STIMATE: variants seen among roughly 807,000 people sequenced by gnomAD.
STIMATE encodes the protein store-operated calcium entry regulator STIMATE.
Under a neutral mutation model 36.7 loss-of-function variants are expected in STIMATE, and 15 were observed. The ratio of observed to expected loss-of-function variants is 0.41; its 90% CI spans 0.27 to 0.63. The LOEUF is 0.63. Ranked by LOEUF, STIMATE falls within the 20% of genes least tolerant of loss-of-function variation. The pLI, the probability that STIMATE is intolerant of heterozygous loss-of-function variation, is 0.32. For missense variants in STIMATE, 305 were observed against 397.3 expected, an observed-to-expected ratio of 0.77 and a Z score of 1.98; for synonymous variants, 163 against 162.3, an observed-to-expected ratio of 1.00 and a Z score of -0.03.
In STIMATE at chr3:52,897,531, A is replaced by C. The variant is rs1425672423; in HGVS notation, c.-81T>G. ...GCCGGCGCAGCGCCGCCAAACCCGC[A>C]GCCGGGATCCCAAGCCTGAGCCGGT... is the stretch of plus-strand genomic sequence containing the variant. On this transcript the variant is annotated 5_prime_UTR_variant, in exon 1 of 8. Coordinates refer to ENST00000355083, the MANE Select transcript of STIMATE (RefSeq NM_198563.5). The C allele has an allele frequency of 6.8e-6, 8 of 1,181,496 alleles. No homozygotes were observed. Among genetic ancestry groups the C allele is most frequent in the Non-Finnish European group, 8.4e-6 (8 of 956,554 alleles). 73.2% of individuals were successfully genotyped at this position (1,181,496 alleles called of 1,614,324 possible). A position where few individuals can be genotyped will look rare whatever the true frequency, so the allele number is the denominator to read the frequency against.
intron 7 of STIMATE, among the ~76,000 whole-genome samples, chr3:52,842,272 A>G (rs918047349): frequency 9.8e-5 from 15 of 152,312 alleles, no homozygotes; most frequent in African/African-American, 3.4e-4. Context: ...TCCTGGCCTC[A>G]GGGCTGCTAT....
rs115734949 is a variant in STIMATE at position 52,852,095 on chromosome 3, G to A, written c.305+508C>T. On this transcript the variant is annotated intron_variant, in intron 3 of 7. Transcript: ENST00000355083. ...ACTATGTGGGTGCCATCAGCAAGGA[G>A]GACAGAATATCATGGCCGGATTGAG... Among the ~76,000 whole-genome samples the A allele has an allele frequency of 7.6e-3, 1,158 of 152,338 alleles. 15 individuals are homozygous for A. The highest frequency in any genetic ancestry group is 0.026 in the African/African-American group (1,089 of 41,566).
chr3:52,845,052 A>G, intron 4 of STIMATE, 111 bp from the exon 5 acceptor site: 1 of 1,078,412 alleles, frequency 9.3e-7, no homozygotes, highest in Non-Finnish European at 1.3e-6. Context: ...TAAAGCTCTA[A>G]AGGTACTTAA....
chr3:52,881,337 G>A (rs1701599257), intron 1 of STIMATE, among the ~76,000 whole-genome samples: 1 of 151,992 alleles, frequency 6.6e-6, no homozygotes. Context: ...AAATCCTTAA[G>A]ACTGAAAAAG....
intron 1 of STIMATE, among the ~76,000 whole-genome samples, chr3:52,896,877 G>C (rs1218044711): frequency 6.6e-6 from 1 of 152,306 alleles, no homozygotes; most frequent in South Asian, 2.1e-4. Flanking sequence ...AAGAGTGAAG[G>C]GGCAGAAAAG....
intron 1 of STIMATE, among the ~76,000 whole-genome samples, chr3:52,883,996 G>C (rs544196391): frequency 6.8e-4 from 104 of 152,210 alleles, no homozygotes; most frequent in African/African-American, 2.4e-3. Context: ...ATGATTGTTA[G>C]TTACATTGTT....
chr3:52,893,902 G>A (rs1171298542), intron 1 of STIMATE, among the ~76,000 whole-genome samples: 1 of 152,150 alleles, frequency 6.6e-6, no homozygotes, highest in Non-Finnish European at 1.5e-5. Context: ...TGTCCTGAGA[G>A]CAAACACCCC....
intron 1 of STIMATE, among the ~76,000 whole-genome samples, chr3:52,881,442 C>T (rs369395175): frequency 4.6e-5 from 7 of 151,640 alleles, no homozygotes; most frequent in African/African-American, 1.7e-4. Flanking sequence ...GGTGGCTTGA[C>T]GCCTGTAATC....
intron 1 of STIMATE, among the ~76,000 whole-genome samples, chr3:52,891,990 C>G (rs1034292376): frequency 3.5e-4 from 53 of 152,158 alleles, no homozygotes; most frequent in Admixed American, 2.0e-4. Context: ...TTGAGAAATG[C>G]AGAAGTTGCT....
intron 1 of STIMATE, among the ~76,000 whole-genome samples, chr3:52,878,621 C>A (rs1401204778): frequency 6.6e-6 from 1 of 151,836 alleles, no homozygotes; most frequent in Non-Finnish European, 1.5e-5. Flanking sequence ...ATGACAAAGA[C>A]TTTTCTCCCT....
chr3:52,846,320 C>G (rs1391646248), intron 4 of STIMATE: 2 of 152,208 alleles, frequency 1.3e-5, no homozygotes. Flanking sequence ...GTTTTGCAAT[C>G]CTTTTCCTTT....
chr3:52,842,660 C>T (rs1041990354), intron 7 of STIMATE, 151 bp downstream of exon 7: 47 of 1,466,624 alleles, frequency 3.2e-5, no homozygotes, highest in African/African-American at 1.3e-4. Context: ...GTCTGCCCCT[C>T]GCTCATCTCT....
At chr3:52,861,162 C>T (rs1407818819) in intron 1 of STIMATE, among the ~76,000 whole-genome samples, 1 of 152,180 alleles carries the variant, frequency 6.6e-6, no homozygotes, top group Non-Finnish European at 1.5e-5. Flanking sequence ...AGGGTAGCAG[C>T]CACACCTCAA....
chr3:52,843,694 G>A (rs774044982), intron 6 of STIMATE, 27 bp downstream of exon 6: 12 of 1,614,068 alleles, frequency 7.4e-6, no homozygotes, highest in South Asian at 3.3e-5. Flanking sequence ...GGAGCAAATC[G>A]GGATAAAAAT....
At chr3:52,856,946 T>C (rs1559492251) in intron 1 of STIMATE, among the ~76,000 whole-genome samples, 1 of 152,236 alleles carries the variant, frequency 6.6e-6, no homozygotes, top group Admixed American at 6.5e-5. Context: ...GTGCTGCCTG[T>C]GTGATACTTT....
chr3:52,874,297 T>C (rs1033727218), intron 1 of STIMATE, among the ~76,000 whole-genome samples: 1 of 152,216 alleles, frequency 6.6e-6, no homozygotes, highest in African/African-American at 2.4e-5. Flanking sequence ...GAGGTAGATC[T>C]ATCTGCATTG....
chr3:52,893,338 T>C (rs918741269), intron 1 of STIMATE, among the ~76,000 whole-genome samples: 1 of 151,670 alleles, frequency 6.6e-6, no homozygotes, highest in Admixed American at 6.6e-5. Flanking sequence ...TAAAGTGTGA[T>C]GCTGGTCACA....
At chr3:52,871,684 T>A (rs1279659181) in intron 1 of STIMATE, among the ~76,000 whole-genome samples, 2 of 152,194 alleles carry the variant, frequency 1.3e-5, no homozygotes, top group African/African-American at 2.4e-5. Flanking sequence ...TCCACACAGC[T>A]GTCAGTGGGG....
rs775408879 is a variant in STIMATE, at chr3:52,837,456, G to C, written c.*3038C>G. On this transcript the variant is annotated 3_prime_UTR_variant, in exon 8 of 8. Coordinates refer to ENST00000355083, the MANE Select transcript of STIMATE (RefSeq NM_198563.5). Reference sequence around the variant, plus strand: ...GAGGAAGGAGGCCACCAGCACGGCTGAGGGGCCACAGACCCTCCTCTTGCA... The same window carrying C: ...GAGGAAGGAGGCCACCAGCACGGCTCAGGGGCCACAGACCCTCCTCTTGCA... 3.3e-5 allele frequency: 5 copies of C among 152,252 alleles called. No homozygotes were observed. The highest frequency in any genetic ancestry group is 7.3e-5 in the Non-Finnish European group (5 of 68,064). 9.4% of individuals were successfully genotyped at this position (152,252 alleles called of 1,614,324 possible). A position where few individuals can be genotyped will look rare whatever the true frequency, so the allele number is the denominator to read the frequency against.
Sources: gnomAD v4.1 joint callset for allele counts (sites outside exome capture counted in the v4.1 genomes callset) on GRCh38, gnomAD v4.1.1 for gene constraint, MANE v1.5 for transcripts, NCBI Gene and HGNC (gene_info 2026-07-23, HGNC 2026-07-21) for gene names.